Variants in ACTN2 observed in about 807,000 individuals in gnomAD.
ACTN2 encodes alpha-actinin-2.
Under a neutral mutation model 113.8 loss-of-function variants are expected in ACTN2, and 39 were observed. That is an observed-to-expected ratio of 0.34 (90% CI 0.27 to 0.45). The LOEUF is 0.45. Among genes scored for constraint, ACTN2 ranks in the 20% least tolerant of loss-of-function variants. The pLI is 1.00. For synonymous variants in ACTN2, 429 were observed against 444.1 expected (o/e 0.97, Z 0.43); for missense variants, 992 against 1,177.9 (o/e 0.84, Z 2.31).
chr1:236,720,262 ATGT>A, intron 4 of ACTN2, 71 bp downstream of exon 4: 1 of 1,287,178 alleles, frequency 7.8e-7, no homozygotes, highest in South Asian at 1.2e-5. Flanking sequence ...TTTGAGCAAG[ATGT>A]TTTAAAGTCC....
At chr1:236,720,722 T>C (rs1244279620) in intron 4 of ACTN2, among the ~76,000 whole-genome samples, 1 of 152,190 alleles carries the variant, frequency 6.6e-6, no homozygotes, top group Non-Finnish European at 1.5e-5. Context: ...ACACTGCCAC[T>C]GAAGATAAAA....
chr1:236,705,685 A>T (rs1657803697), intron 1 of ACTN2, among the ~76,000 whole-genome samples: 1 of 152,222 alleles, frequency 6.6e-6, no homozygotes, highest in Admixed American at 6.5e-5. Context: ...TCCCTGTATA[A>T]AGTTGCCTTA....
intron 15 of ACTN2, 82 bp from the exon 16 acceptor site, chr1:236,753,865 C>CAA: frequency 3.4e-5 from 47 of 1,393,922 alleles, no homozygotes; most frequent in Non-Finnish European, 4.2e-5. Flanking sequence ...ACCCCCACCC[C>CAA]TTGGACTATT....
At chr1:236,700,666 A>G (rs1054459834) in intron 1 of ACTN2, among the ~76,000 whole-genome samples, 2 of 152,170 alleles carry the variant, frequency 1.3e-5, no homozygotes, top group Non-Finnish European at 2.9e-5. Flanking sequence ...AGGTGGGAAC[A>G]ATGTCTGAGG....
intron 4 of ACTN2, among the ~76,000 whole-genome samples, chr1:236,721,162 G>A (rs1398326686): frequency 6.6e-6 from 1 of 150,930 alleles, no homozygotes; most frequent in Non-Finnish European, 1.5e-5. Context: ...CGAGTAGCTG[G>A]GACTACAGGC....
At chr1:236,724,560 T>A (rs931956683) in intron 4 of ACTN2, among the ~76,000 whole-genome samples, 5 of 152,328 alleles carry the variant, frequency 3.3e-5, no homozygotes, top group African/African-American at 1.2e-4. Flanking sequence ...TGCAGTGCAG[T>A]TCTGAGGTTA....
chr1:236,698,642 G>A lies in ACTN2; in HGVS notation c.126+11843G>A, dbSNP rs553339894. 1.4e-3 allele frequency among the ~76,000 whole-genome samples: 217 copies of A among 152,278 alleles called. 1 individual carries two copies. Among genetic ancestry groups the A allele is most frequent in the South Asian group, 8.3e-3 (40 of 4,830 alleles). On this transcript the variant is annotated intron_variant, in intron 1 of 20. Coordinates refer to ENST00000366578, the MANE Select transcript of ACTN2 (RefSeq NM_001103.4). ...TTGGCCTTTCATGTTAGAATTTGGA[G>A]CAGAGGATGTTGTAATTTTTTTCAG...
At chr1:236,724,472 G>C (rs1335771542) in intron 4 of ACTN2, among the ~76,000 whole-genome samples, 1 of 152,244 alleles carries the variant, frequency 6.6e-6, no homozygotes, top group Non-Finnish European at 1.5e-5. Flanking sequence ...TGCCTGAGGA[G>C]CCTTCAGACC....
chr1:236,709,263 C>T (rs1228550157), intron 1 of ACTN2, among the ~76,000 whole-genome samples: 3,334 of 125,386 alleles, frequency 0.027, 228 homozygotes, highest in African/African-American at 0.1. Context: ...TATACACACA[C>T]ACACACACAT....
chr1:236,697,926 A>G (rs1023389034), intron 1 of ACTN2, among the ~76,000 whole-genome samples: 1 of 122,868 alleles, frequency 8.1e-6, no homozygotes. Flanking sequence ...TGCCTGGCTA[A>G]TTTTCGTATT....
rs370757762 is a variant in ACTN2, at chr1:236,739,372, T to C, written c.947T>C (p.Met316Thr). The C allele has an allele frequency of 3.8e-5, 62 of 1,613,838 alleles. No individual in the cohort carries two copies. The East Asian group carries it at 1.1e-3, about 30-fold the overall frequency. The stretch of plus-strand genomic sequence containing the variant: ...ACTCCCGAGAAGACCATGCAAGCCA[T>C]GCAGAAGAAGCTGGAGGACTTCCGG... ...NRTPEKTMQA[M>T]QKKLEDFRDY... The change falls in exon 10 of 21, where the codon ATG becomes ACG. Residue 316 changes from methionine to threonine, a missense_variant. This residue lies in a region of ACTN2 where 736 missense variants were observed against 815.4 expected (regional missense o/e 0.90). Transcript: ENST00000366578.
intron 1 of ACTN2, among the ~76,000 whole-genome samples, chr1:236,710,895 A>AC (rs1253660139): frequency 6.7e-6 from 1 of 148,920 alleles, no homozygotes; most frequent in Non-Finnish European, 1.5e-5. Flanking sequence ...CCCCTTCCCT[A>AC]CCCCCCACCC....
intron 4 of ACTN2, among the ~76,000 whole-genome samples, chr1:236,724,366 A>T (rs890530873): frequency 2.0e-5 from 3 of 152,216 alleles, no homozygotes; most frequent in African/African-American, 7.2e-5. Context: ...GAATTTGGTG[A>T]TGGGCGGGAA....
intron 15 of ACTN2, 96 bp from the exon 16 acceptor site, chr1:236,753,851 T>TCCCCCCCCCCCCCCCCCCCCCC: frequency 1.0e-6 from 1 of 966,968 alleles, no homozygotes. Flanking sequence ...CCTTCTCCAC[T>TCCCCCCCCCCCCCCCCCCCCCC]CCCACCCCCA....
chr1:236,757,543 GT>G lies in ACTN2; in HGVS notation c.2213del (p.Val738GlyfsTer6). ...LTTIARTINE[V>X]ETQILTRDAK... ...AACCATCGCCAGAACCATCAATGAG[GT>G]GGAGACTCAGATCCTGACGAGAGAT... On this transcript the variant is annotated frameshift_variant, in exon 18 of 21. Coordinates refer to ENST00000366578, the MANE Select transcript of ACTN2 (RefSeq NM_001103.4). LOFTEE classifies it high-confidence loss of function. 6.2e-7 allele frequency: 1 copy of G among 1,614,136 alleles called. No homozygotes were observed. The highest frequency in any genetic ancestry group is 8.5e-7 in the Non-Finnish European group (1 of 1,180,036).
At chr1:236,701,739 A>G (rs1657683369) in intron 1 of ACTN2, among the ~76,000 whole-genome samples, 1 of 152,170 alleles carries the variant, frequency 6.6e-6, no homozygotes, top group Non-Finnish European at 1.5e-5. Context: ...CTGTCTGTAG[A>G]TTTGCTCTTT....
chr1:236,731,396 A>C, intron 7 of ACTN2, 82 bp downstream of exon 7: 1 of 1,135,570 alleles, frequency 8.8e-7, no homozygotes, highest in South Asian at 1.3e-5. Context: ...ACCTTGCAAA[A>C]TTTTATAGCG....
chr1:236,719,016 G>C lies in ACTN2; in HGVS notation c.361+3G>C. 1 of 1,613,964 alleles carries C rather than the reference G, an allele frequency of 6.2e-7. No individual in the cohort carries two copies. Among genetic ancestry groups the C allele is most frequent in the Non-Finnish European group, 8.5e-7 (1 of 1,179,980 alleles). On this transcript the variant is annotated splice_donor_region_variant and intron_variant, in intron 3 of 20. Coordinates refer to ENST00000366578, the MANE Select transcript of ACTN2 (RefSeq NM_001103.4). Reference sequence around the variant, plus strand: ...ACTGGTGTCCATTGGCGCTGAAGGTGAGAGGTGTGGTGGGTGGTCCTGTCT... The same window carrying C: ...ACTGGTGTCCATTGGCGCTGAAGGTCAGAGGTGTGGTGGGTGGTCCTGTCT...
intron 1 of ACTN2, among the ~76,000 whole-genome samples, chr1:236,688,956 C>T (rs761473983): frequency 6.6e-5 from 10 of 152,038 alleles, no homozygotes; most frequent in African/African-American, 9.7e-5. Context: ...ACGTCCGTGG[C>T]GTTATAATGG....
Sources: allele counts gnomAD v4.1 joint callset (sites outside exome capture counted in the v4.1 genomes callset), GRCh38; gene constraint gnomAD v4.1.1; regional missense constraint gnomAD v4.1.1; transcripts MANE v1.5; gene names NCBI Gene and HGNC (gene_info 2026-07-23, HGNC 2026-07-21).